FHAD1: variants seen among roughly 807,000 people sequenced by gnomAD.
The protein encoded by FHAD1 is forkhead associated phosphopeptide binding domain 1, also known as forkhead-associated domain-containing protein 1.
In FHAD1, 146 loss-of-function variants were observed where a neutral mutation model predicts 191.3. The ratio of observed to expected loss-of-function variants is 0.76; its 90% CI spans 0.67 to 0.88. FHAD1 has a LOEUF of 0.88. FHAD1 is among the 40% of genes least tolerant of loss of function. The pLI is 0.00. For missense variants in FHAD1, 1,635 were observed against 1,785.8 expected (o/e 0.92, Z 1.52); for synonymous variants, 616 against 672.3 (o/e 0.92, Z 1.29).
chr1:15,395,350 G>GCCCA (rs535630761), intron 33 of FHAD1, among the ~76,000 whole-genome samples: 109 of 150,576 alleles, frequency 7.2e-4, no homozygotes, highest in Non-Finnish European at 1.4e-3. Flanking sequence ...TAGGAGGATA[G>GCCCA]CCCAGGCATC....
At chr1:15,350,134 T>A (rs1690323987) in intron 19 of FHAD1, among the ~76,000 whole-genome samples, 1 of 152,202 alleles carries the variant, frequency 6.6e-6, no homozygotes, top group South Asian at 2.1e-4. Flanking sequence ...TATTCATTTA[T>A]CCACCCACCG....
At chr1:15,376,294 G>C (rs1699635954) in intron 28 of FHAD1, among the ~76,000 whole-genome samples, 1 of 151,926 alleles carries the variant, frequency 6.6e-6, no homozygotes, top group Non-Finnish European at 1.5e-5. Flanking sequence ...GTTTCACCTT[G>C]TTAGCCAGGA....
intron 26 of FHAD1, among the ~76,000 whole-genome samples, chr1:15,373,325 G>T (rs570280826): frequency 1.4e-5 from 2 of 143,484 alleles, no homozygotes; most frequent in South Asian, 2.1e-4. Flanking sequence ...CCTGGCCAAC[G>T]TGGTGAAACC....
In FHAD1 at chr1:15,397,315, T is replaced by A. The variant is rs74318570; in HGVS notation, c.4342T>A (p.Ser1448Thr). ...GTTAAAGGTTGGAACCAGAAAAGCC[T>A]CCCTAAAGATGGACCAAGAAAGAGA... ...SNSQVGTRKA[S>T]LKMDQEREML... Residue 1448 changes from serine to threonine, a missense_variant, in exon 34 of 34, where the codon TCC becomes ACC. Coordinates refer to ENST00000688493, the MANE Select transcript of FHAD1 (RefSeq NM_001391957.1). The A allele has an allele frequency of 1.2e-3, 1,841 of 1,530,250 alleles. 35 individuals carry two copies. In the East Asian group the frequency reaches 0.043, roughly 36 times the overall value. The allele number at this position is 1,530,250 out of a possible 1,614,324, so 94.8% of individuals were successfully genotyped here.
intron 28 of FHAD1, 70 bp downstream of exon 28, chr1:15,375,800 T>C: frequency 6.9e-7 from 1 of 1,444,966 alleles, no homozygotes; most frequent in East Asian, 2.5e-5. Flanking sequence ...AGACACTAGC[T>C]TCGTTCCCTG....
At position 15,345,619 on chromosome 1, in the gene FHAD1, T is replaced by G. The variant is rs954603492; in HGVS notation, c.2346+96T>G. The stretch of plus-strand genomic sequence containing the variant: ...GGCGATGATGGGGGTGAGATCGTGG[T>G]GGAGCCTTCCTCGTGGAGTTTGCGT... On this transcript the variant is annotated intron_variant, in intron 18 of 33. Coordinates refer to ENST00000688493, the MANE Select transcript of FHAD1 (RefSeq NM_001391957.1). 15 of 992,946 alleles carry G rather than the reference T, an allele frequency of 1.5e-5. No individual in the cohort carries two copies. The African/African-American group carries it at 2.1e-4, about 14-fold the overall frequency. 61.5% of individuals were successfully genotyped at this position (992,946 alleles called of 1,614,324 possible).
chr1:15,345,215 C>T (rs1213196005), intron 17 of FHAD1, 25 bp downstream of exon 17: 61 of 1,533,328 alleles, frequency 4.0e-5, no homozygotes, highest in Non-Finnish European at 3.5e-5. Flanking sequence ...GAGACAGAGT[C>T]AGCTCGAGCC....
chr1:15,369,648 C>T (rs1325062619), intron 26 of FHAD1, 146 bp downstream of exon 26: 2 of 925,394 alleles, frequency 2.2e-6, no homozygotes, highest in Admixed American at 2.6e-5. Flanking sequence ...TCGCAGAATA[C>T]TGCCTCTTTA....
chr1:15,355,610 T>C (rs1692458328), intron 20 of FHAD1, among the ~76,000 whole-genome samples: 1 of 152,154 alleles, frequency 6.6e-6, no homozygotes, highest in African/African-American at 2.4e-5. Flanking sequence ...TTGCAGTTTG[T>C]TGTGAATTAT....
chr1:15,356,718 A>G (rs1227233928), intron 20 of FHAD1, among the ~76,000 whole-genome samples: 1 of 152,050 alleles, frequency 6.6e-6, no homozygotes, highest in South Asian at 2.1e-4. Context: ...CTAAAAATAC[A>G]AAAATTAGCC....
intron 24 of FHAD1, among the ~76,000 whole-genome samples, chr1:15,366,553 T>C (rs900730515): frequency 1.3e-5 from 2 of 152,218 alleles, no homozygotes; most frequent in African/African-American, 4.8e-5. Flanking sequence ...AAGCAAAGGC[T>C]TGGAGGGCAA....
chr1:15,350,925 G>A (rs1394528358), intron 19 of FHAD1, among the ~76,000 whole-genome samples: 1 of 152,142 alleles, frequency 6.6e-6, no homozygotes, highest in Non-Finnish European at 1.5e-5. Flanking sequence ...TAAGGGGTGG[G>A]ATCCAAACTA....
intron 3 of FHAD1, among the ~76,000 whole-genome samples, chr1:15,288,993 G>GCTTATT (rs1663518019): frequency 6.6e-6 from 1 of 152,056 alleles, no homozygotes; most frequent in South Asian, 2.1e-4. Flanking sequence ...TTTTTTGTTT[G>GCTTATT]TTTATTTTTG....
chr1:15,272,352 C>T lies in FHAD1; in HGVS notation c.123C>T (p.Leu41=), dbSNP rs1169242864. The T allele has an allele frequency of 6.4e-7, 1 of 1,551,634 alleles. No individual in the cohort carries two copies. The highest frequency in any genetic ancestry group is 1.4e-5 in the African/African-American group (1 of 73,056). Reference sequence around the variant, plus strand: ...CTGACATCGACAACCACCATGCACTCATTGAATATAACGAGGCGGAGTGCA... The same window carrying T: ...CTGACATCGACAACCACCATGCACTTATTGAATATAACGAGGCGGAGTGCA... ...QSPDIDNHHA[L]IEYNEAECSF... is the part of the protein sequence containing the mutation. The change falls in exon 3 of 34, where the codon CTC becomes CTT. Residue 41 remains leucine (L), a synonymous_variant. Coordinates refer to ENST00000688493, the MANE Select transcript of FHAD1 (RefSeq NM_001391957.1).
Position 15,317,878 on chromosome 1 carries a change from A to G in FHAD1, c.1315A>G (p.Ser439Gly). ...GAAGCTTAGGGCAGAGCTGAGGAAG[A>G]GTTGTACTGAACAAAGCGTGATCTC... Reference protein sequence around the residue: ...MKKLRAELRKSCTEQSVISRT... With the variant: ...MKKLRAELRKGCTEQSVISRT... Residue 439 changes from serine (S) to glycine (G), a missense_variant, in exon 10 of 34, where the codon AGT becomes GGT. Ser to Gly is a moderately conservative substitution (Grantham distance 56, BLOSUM62 0). Transcript: ENST00000688493. 6.4e-7 allele frequency: 1 copy of G among 1,551,810 alleles called. No homozygotes were observed. Among genetic ancestry groups the G allele is most frequent in the Non-Finnish European group, 8.7e-7 (1 of 1,147,010 alleles).
chr1:15,349,286 T>C (rs1314825807), intron 19 of FHAD1, 137 bp downstream of exon 19: 2 of 667,616 alleles, frequency 3.0e-6, no homozygotes, highest in Non-Finnish European at 2.6e-6. Flanking sequence ...TTACTGGCTG[T>C]GTGACCTCCG....
intron 25 of FHAD1, 145 bp from the exon 26 acceptor site, chr1:15,369,225 C>A: frequency 1.9e-6 from 2 of 1,061,330 alleles, no homozygotes; most frequent in Admixed American, 2.8e-5. Context: ...AAACTGAATT[C>A]TCTAGAAATA....
chr1:15,292,396 C>T (rs1010815832), intron 4 of FHAD1, among the ~76,000 whole-genome samples: 9 of 151,848 alleles, frequency 5.9e-5, no homozygotes, highest in South Asian at 4.2e-4. Flanking sequence ...TGCAGTGGCA[C>T]GATCTCGGCT....
rs1674518467 is a variant in FHAD1 at position 15,316,535 on chromosome 1, G to A, written c.1260+68G>A. On this transcript the variant is annotated intron_variant, in intron 9 of 33. Coordinates refer to ENST00000688493, the MANE Select transcript of FHAD1 (RefSeq NM_001391957.1). The surrounding 1 kb of genome is among the most constrained non-coding windows in gnomAD (Gnocchi z 4.3). ...AGAGTTTGACCTTGAGGTTCTTGGT[G>A]GGATCCTGGGCCATCACTAAGCATG... 7.6e-7 allele frequency: 1 copy of A among 1,323,400 alleles called. No individual in the cohort carries two copies. The highest frequency in any genetic ancestry group is 2.1e-5 in the Admixed American group (1 of 48,582). 82.0% of individuals were successfully genotyped at this position (1,323,400 alleles called of 1,614,324 possible).
Sources: allele counts gnomAD v4.1 joint callset (sites outside exome capture counted in the v4.1 genomes callset), GRCh38; gene constraint gnomAD v4.1.1; non-coding constraint Gnocchi (gnomAD v3.1); transcripts MANE v1.5; gene names NCBI Gene and HGNC (gene_info 2026-07-23, HGNC 2026-07-21).